TRDN: variants seen among roughly 807,000 people sequenced by gnomAD.
TRDN encodes triadin.
Under a neutral mutation model 149.7 loss-of-function variants are expected in TRDN, and 161 were observed. The ratio of observed to expected loss-of-function variants is 1.08; its 90% confidence interval spans 0.95 to 1.23. The LOEUF (loss-of-function observed/expected upper bound fraction) is 1.23. TRDN is among the 50% of genes most tolerant of loss of function. The probability of loss-of-function intolerance (pLI) is 0.00; values close to 1 mark genes in which losing one functional copy is unlikely to be tolerated. For synonymous variants in TRDN, 294 were observed against 250.5 expected (o/e 1.17, Z -1.64); for missense variants, 896 against 823.5 (o/e 1.09, Z -1.08).
chr6:123,530,467 A>G lies in TRDN; in HGVS notation c.484+39T>C, dbSNP rs186663059. 9.4e-4 allele frequency: 1,082 copies of G among 1,145,416 alleles called. 9 individuals are homozygous for G. In the African/African-American group the frequency reaches 0.015, roughly 16 times the overall value. The allele number at this position is 1,145,416 out of a possible 1,614,324, so 71.0% of individuals were successfully genotyped here. On this transcript the variant is annotated intron_variant, in intron 5 of 40. Transcript: ENST00000334268. ...CTCGCATATGAATACACAAAAATGT[A>G]TATCTAAATGAAGAATAAACATAAA...
At chr6:123,590,339 G>A (rs1285442583) in intron 1 of TRDN, among the ~76,000 whole-genome samples, 13 of 152,184 alleles carry the variant, frequency 8.5e-5, no homozygotes, top group Admixed American at 8.5e-4. Context: ...TCTAATGCCT[G>A]ATGATCTGTC....
chr6:123,388,914 A>T (rs551228353), intron 13 of TRDN, among the ~76,000 whole-genome samples: 12 of 152,274 alleles, frequency 7.9e-5, no homozygotes, highest in South Asian at 6.2e-4. Context: ...TTAATCAAAA[A>T]AAGTGGAAGT....
chr6:123,232,571 T>TAGGA (rs2114524703), intron 38 of TRDN, among the ~76,000 whole-genome samples: 1 of 151,760 alleles, frequency 6.6e-6, no homozygotes, highest in Admixed American at 6.6e-5. Flanking sequence ...TAGGCAGAGG[T>TAGGA]AGGAGAAACT....
At chr6:123,279,021 T>C (rs374551042) in intron 25 of TRDN, 35 bp downstream of exon 25, 1 of 1,592,746 alleles carries the variant, frequency 6.3e-7, no homozygotes, top group Admixed American at 1.7e-5. Context: ...TGTACATATG[T>C]ACGTGTTTGT....
chr6:123,585,891 T>A (rs1783455086), intron 1 of TRDN, among the ~76,000 whole-genome samples: 1 of 152,270 alleles, frequency 6.6e-6, no homozygotes, highest in South Asian at 2.1e-4. Flanking sequence ...TCTATTATTG[T>A]ACACCTTGAA....
chr6:123,571,052 T>A lies in TRDN; in HGVS notation c.103A>T (p.Thr35Ser), dbSNP rs1167156425. The change falls in exon 2 of 41, where the codon ACA becomes TCA. Residue 35 changes from threonine (T) to serine (S), a missense_variant. Coordinates refer to ENST00000334268, the MANE Select transcript of TRDN (RefSeq NM_006073.4). Reference sequence around the variant, plus strand: ...GTCGTCACTATGTCTTCTGTGACTGTCCTCTTCAGCACTTTTCCGGGGGAT... The same window carrying A: ...GTCGTCACTATGTCTTCTGTGACTGACCTCTTCAGCACTTTTCCGGGGGAT... The part of the protein sequence containing the change: ...PKSPGKVLKR[T>S]VTEDIVTTFS... 2 of 1,613,884 alleles carry A rather than the reference T, an allele frequency of 1.2e-6. No homozygotes were observed. The highest frequency in any genetic ancestry group is 1.7e-6 in the Non-Finnish European group (2 of 1,179,878).
chr6:123,575,033 C>A (rs1238830351), intron 1 of TRDN, among the ~76,000 whole-genome samples: 1 of 151,266 alleles, frequency 6.6e-6, no homozygotes, highest in Non-Finnish European at 1.5e-5. Flanking sequence ...ACTTAATGAT[C>A]CTTCCAATCC....
chr6:123,380,500 G>A (rs1050477963), intron 16 of TRDN, among the ~76,000 whole-genome samples: 42 of 152,250 alleles, frequency 2.8e-4, no homozygotes, highest in African/African-American at 9.4e-4. Flanking sequence ...CCCTGGCTGA[G>A]TTGTAGTATA....
At chr6:123,418,336 T>C (rs1368816951) in intron 12 of TRDN, 1 of 152,154 alleles carries the variant, frequency 6.6e-6, no homozygotes, top group African/African-American at 2.4e-5. Context: ...TGTGTGTGTG[T>C]GGTTAAACTA....
rs961645455 is a variant in TRDN, at chr6:123,446,685, G to A, written c.932-7682C>T. ...TGAGTGCTGCAGCCAAGATGTAGTA[G>A]GGCAGATCTCCTAGAATCTTTTTAC... On this transcript the variant is annotated intron_variant, in intron 10 of 40. Coordinates refer to ENST00000334268, the MANE Select transcript of TRDN (RefSeq NM_006073.4). Among the ~76,000 whole-genome samples the A allele has an allele frequency of 3.3e-5, 5 of 151,664 alleles. 1 individual carries two copies. The South Asian group carries it at 1.0e-3, about 32-fold the overall frequency.
intron 24 of TRDN, among the ~76,000 whole-genome samples, chr6:123,285,808 C>T (rs1222661102): frequency 6.6e-6 from 1 of 151,946 alleles, no homozygotes; most frequent in African/African-American, 2.4e-5. Flanking sequence ...AAATAATATC[C>T]AGAATCTACA....
Position 123,225,108 on chromosome 6 carries a change from C to T in TRDN, c.1976-977G>A, listed in dbSNP as rs371266979. Among the ~76,000 whole-genome samples, 10 of 134,016 alleles carry T rather than the reference C, an allele frequency of 7.5e-5. No individual in the cohort carries two copies. The Admixed American group carries it at 7.7e-4, about 10-fold the overall frequency. The allele number at this position is 134,016 out of a possible 152,430, so 87.9% of individuals were successfully genotyped here. ...GAACAGACACTTTTCCAAAGACATA[C>T]AAATGACCAACAGGCACGTGGAAAG... On this transcript the variant is annotated intron_variant, in intron 38 of 40. Transcript: ENST00000334268.
At chr6:123,467,259 G>A (rs951391730) in intron 9 of TRDN, among the ~76,000 whole-genome samples, 1 of 151,476 alleles carries the variant, frequency 6.6e-6, no homozygotes, top group Non-Finnish European at 1.5e-5. Context: ...AAAGGAGCCT[G>A]CCAGGTAAGG....
chr6:123,483,818 A>T (rs1236848723), intron 9 of TRDN, among the ~76,000 whole-genome samples: 1 of 152,202 alleles, frequency 6.6e-6, no homozygotes, highest in East Asian at 1.9e-4. Flanking sequence ...GATTAATAGA[A>T]CAACTTTGAG....
intron 38 of TRDN, among the ~76,000 whole-genome samples, chr6:123,235,447 C>A (rs1297057414): frequency 1.3e-5 from 2 of 151,748 alleles, no homozygotes; most frequent in African/African-American, 4.8e-5. Context: ...AAGACAGGGT[C>A]AGTAAAGACA....
chr6:123,411,711 G>A (rs1437114870), intron 12 of TRDN: 7 of 152,092 alleles, frequency 4.6e-5, no homozygotes, highest in East Asian at 1.9e-4. Context: ...TCTACCATCT[G>A]CAGGTATCTT....
intron 1 of TRDN, among the ~76,000 whole-genome samples, chr6:123,631,116 CT>C (rs200458146): frequency 0.023 from 3,261 of 141,292 alleles, 34 homozygotes; most frequent in Middle Eastern, 0.061. Context: ...TCACAATCTG[CT>C]TTTTTTTTTT....
At chr6:123,439,070 T>C in intron 10 of TRDN, 67 bp from the exon 11 acceptor site, 1 of 1,314,734 alleles carries the variant, frequency 7.6e-7, no homozygotes, top group Non-Finnish European at 1.0e-6. Context: ...AAGGTTGAAA[T>C]GAAGGATTTT....
At chr6:123,360,867 G>A (rs1284714708) in intron 20 of TRDN, among the ~76,000 whole-genome samples, 2 of 152,148 alleles carry the variant, frequency 1.3e-5, no homozygotes, top group African/African-American at 4.8e-5. Flanking sequence ...TGGTATGGAT[G>A]ACTGATTTGA....
Sources: allele counts gnomAD v4.1 joint callset (sites outside exome capture counted in the v4.1 genomes callset), GRCh38; gene constraint gnomAD v4.1.1; transcripts MANE v1.5; gene names NCBI Gene and HGNC (gene_info 2026-07-23, HGNC 2026-07-21).